Variants in FAF1 observed in about 807,000 individuals in gnomAD.
The protein encoded by FAF1 is FAS-associated factor 1.
Under a neutral mutation model 92.5 loss-of-function variants are expected in FAF1, and 25 were observed. That is an observed-to-expected ratio of 0.27 (90% confidence interval 0.20 to 0.38). The LOEUF is 0.38. Among genes scored for constraint, FAF1 ranks in the 10% least tolerant of loss-of-function variants. FAF1 has a pLI of 1.00. For synonymous variants in FAF1, 234 were observed against 273.2 expected, an observed-to-expected ratio of 0.86 and a Z score of 1.42; for missense variants, 636 against 793.3, an observed-to-expected ratio of 0.80 and a Z score of 2.38.
chr1:50,624,376 T>C (rs922815416), intron 8 of FAF1, among the ~76,000 whole-genome samples: 1 of 152,186 alleles, frequency 6.6e-6, no homozygotes, highest in African/African-American at 2.4e-5. Context: ...TTCGAACTCC[T>C]GACCTTGTGA....
chr1:50,725,785 T>C (rs1014915408), intron 6 of FAF1, among the ~76,000 whole-genome samples: 1 of 152,130 alleles, frequency 6.6e-6, no homozygotes, highest in Non-Finnish European at 1.5e-5. Context: ...CACCACTAGT[T>C]TACTCAACTA....
intron 15 of FAF1, among the ~76,000 whole-genome samples, chr1:50,526,512 C>G (rs960502284): frequency 2.0e-5 from 3 of 151,458 alleles, no homozygotes; most frequent in African/African-American, 7.3e-5. Context: ...CTGTGTGGCC[C>G]AGGCTGGTCT....
intron 4 of FAF1, among the ~76,000 whole-genome samples, chr1:50,744,997 A>G (rs889931378): frequency 6.6e-6 from 1 of 152,172 alleles, no homozygotes; most frequent in African/African-American, 2.4e-5. Flanking sequence ...AAACTAAAAA[A>G]TAAAGCTAGG....
intron 15 of FAF1, among the ~76,000 whole-genome samples, chr1:50,519,978 T>C (rs1647418267): frequency 6.6e-6 from 1 of 152,206 alleles, no homozygotes; most frequent in South Asian, 2.1e-4. Flanking sequence ...TCTAAAGGAA[T>C]GCATCATCCA....
intron 18 of FAF1, among the ~76,000 whole-genome samples, chr1:50,452,852 C>A (rs961297024): frequency 6.6e-6 from 1 of 152,136 alleles, no homozygotes; most frequent in Non-Finnish European, 1.5e-5. Flanking sequence ...TAACCTCTTA[C>A]CATGAGATAA....
intron 15 of FAF1, among the ~76,000 whole-genome samples, chr1:50,502,313 A>T (rs1478113520): frequency 6.6e-6 from 1 of 152,216 alleles, no homozygotes; most frequent in African/African-American, 2.4e-5. Context: ...GCAAGGTTAC[A>T]TGAGACTGCT....
At chr1:50,794,035 T>A (rs1251836000) in intron 3 of FAF1, among the ~76,000 whole-genome samples, 4 of 152,086 alleles carry the variant, frequency 2.6e-5, no homozygotes, top group Non-Finnish European at 5.9e-5. Flanking sequence ...TGAAAAAAAC[T>A]GAAATGTGAA....
At chr1:50,762,102 G>A in intron 4 of FAF1, among the ~76,000 whole-genome samples, 1 of 152,088 alleles carries the variant, frequency 6.6e-6, no homozygotes, top group Non-Finnish European at 1.5e-5. Context: ...GCTTCAAAGA[G>A]AATAAAACAC....
chr1:50,535,284 T>C (rs1648415047), intron 15 of FAF1, 85 bp downstream of exon 15: 1 of 898,506 alleles, frequency 1.1e-6, no homozygotes, highest in Admixed American at 1.9e-5. Flanking sequence ...TTATCGATCA[T>C]ATCATAGGCA....
chr1:50,648,290 A>C (rs1207939231), intron 8 of FAF1, among the ~76,000 whole-genome samples: 1 of 152,126 alleles, frequency 6.6e-6, no homozygotes, highest in Admixed American at 6.6e-5. Flanking sequence ...AAACAAAAAA[A>C]CAAAAAGGTC....
intron 8 of FAF1, among the ~76,000 whole-genome samples, chr1:50,624,877 C>T (rs1316515746): frequency 6.7e-6 from 1 of 150,054 alleles, no homozygotes; most frequent in Non-Finnish European, 1.5e-5. Context: ...CCCTTTTATA[C>T]AGCACTAGAA....
chr1:50,772,671 A>C (rs949955818), intron 4 of FAF1, among the ~76,000 whole-genome samples: 7 of 152,156 alleles, frequency 4.6e-5, no homozygotes, highest in Non-Finnish European at 1.0e-4. Flanking sequence ...GACACAAAGA[A>C]AAGAACAACA....
At chr1:50,560,077 T>C (rs1464536264) in intron 13 of FAF1, among the ~76,000 whole-genome samples, 1 of 152,282 alleles carries the variant, frequency 6.6e-6, no homozygotes, top group African/African-American at 2.4e-5. Context: ...GTGTCTCCCA[T>C]GCAGACTCCA....
intron 7 of FAF1, among the ~76,000 whole-genome samples, chr1:50,673,588 C>T (rs1655992552): frequency 1.3e-5 from 2 of 152,086 alleles, no homozygotes; most frequent in South Asian, 4.1e-4. Context: ...TATATAAATT[C>T]ATAAATTTCA....
At chr1:50,561,569 T>C (rs540693131) in intron 13 of FAF1, among the ~76,000 whole-genome samples, 1 of 152,284 alleles carries the variant, frequency 6.6e-6, no homozygotes, top group African/African-American at 2.4e-5. Flanking sequence ...GGCTCATGCC[T>C]GTAATCCCAG....
intron 17 of FAF1, 89 bp downstream of exon 17, chr1:50,490,497 AGG>A: frequency 1.5e-6 from 1 of 662,036 alleles, no homozygotes; most frequent in Non-Finnish European, 2.8e-6. Context: ...AAGGAAAGGA[AGG>A]AAGGAAGGAA....
chr1:50,946,844 A>G (rs1470742390), intron 1 of FAF1, among the ~76,000 whole-genome samples: 1 of 152,242 alleles, frequency 6.6e-6, no homozygotes, highest in East Asian at 1.9e-4. Context: ...CTCACAGCCT[A>G]AAGAACCCAA....
At chr1:50,774,376 A>G (rs1660879774) in intron 4 of FAF1, among the ~76,000 whole-genome samples, 1 of 152,186 alleles carries the variant, frequency 6.6e-6, no homozygotes, top group Non-Finnish European at 1.5e-5. Context: ...TATACAGCTA[A>G]TAAGAGTCAC....
chr1:50,451,791 A>T, intron 18 of FAF1: 2 of 973,934 alleles, frequency 2.1e-6, no homozygotes, highest in South Asian at 9.3e-5. Flanking sequence ...GAAAGAACTT[A>T]CCCAAGTTTA....
Sources: gnomAD v4.1 joint callset for allele counts (sites outside exome capture counted in the v4.1 genomes callset) on GRCh38, gnomAD v4.1.1 for gene constraint, MANE v1.5 for transcripts, NCBI Gene and HGNC (gene_info 2026-07-23, HGNC 2026-07-21) for gene names.